The following PCDH11Y variants were observed in gnomAD, a reference collection of about 807,000 sequenced individuals.
PCDH11Y encodes protocadherin 11 Y-linked.
For synonymous variants in PCDH11Y, 9 were observed against 83.6 expected (o/e 0.11, Z 4.87); for missense variants, 12 against 224.8 (o/e 0.05, Z 6.05).
chrY:5,186,922 C>G, intron 2 of PCDH11Y, among the ~76,000 whole-genome samples: 1 of 33,787 alleles, frequency 3.0e-5, no homozygotes, highest in Non-Finnish European at 7.4e-5. Flanking sequence ...TAGTTACTAC[C>G]TACATACAAT....
intron 2 of PCDH11Y, among the ~76,000 whole-genome samples, chrY:5,276,084 A>C: frequency 3.0e-5 from 1 of 33,061 alleles, no homozygotes; most frequent in Admixed American, 2.8e-4. Flanking sequence ...AAATATCATG[A>C]ATTGTTGAGA....
intron 2 of PCDH11Y, among the ~76,000 whole-genome samples, chrY:5,426,122 G>T (rs2053263002): frequency 3.0e-5 from 1 of 33,065 alleles, no homozygotes; most frequent in Non-Finnish European, 7.5e-5. Flanking sequence ...GGAAGCAGTA[G>T]GATATTAAGT....
chrY:5,419,504 C>G (rs2053255993), intron 2 of PCDH11Y, among the ~76,000 whole-genome samples: 1 of 33,270 alleles, frequency 3.0e-5, no homozygotes, highest in Non-Finnish European at 7.4e-5. Flanking sequence ...ACGAGGACTG[C>G]CATAACAGTT....
At chrY:5,388,019 C>T (rs2053217922) in intron 2 of PCDH11Y, among the ~76,000 whole-genome samples, 1 of 31,024 alleles carries the variant, frequency 3.2e-5, no homozygotes, top group Non-Finnish European at 7.8e-5. Flanking sequence ...TCCCACCGTG[C>T]CCCCCACCAA....
intron 2 of PCDH11Y, among the ~76,000 whole-genome samples, chrY:5,312,552 TAA>T (rs2053102608): frequency 3.7e-5 from 1 of 27,378 alleles, no homozygotes; most frequent in Non-Finnish European, 8.3e-5. Context: ...GATATATATA[TAA>T]GAAATATATA....
intron 2 of PCDH11Y, among the ~76,000 whole-genome samples, chrY:5,333,892 A>T (rs2053133715): frequency 3.3e-5 from 1 of 29,878 alleles, no homozygotes; most frequent in African/African-American, 1.3e-4. Flanking sequence ...ATTCCATCTC[A>T]AAAAAAAAAC....
intron 2 of PCDH11Y, among the ~76,000 whole-genome samples, chrY:5,320,028 T>C: frequency 3.0e-5 from 1 of 33,401 alleles, no homozygotes; most frequent in Non-Finnish European, 7.4e-5. Flanking sequence ...ATTCTGGGGC[T>C]ACTATGGCAC....
At chrY:5,647,820 T>C (rs2124705795) in intron 4 of PCDH11Y, among the ~76,000 whole-genome samples, 23 of 33,821 alleles carry the variant, frequency 6.8e-4, no homozygotes, top group Admixed American at 2.7e-3. Context: ...GAGTCCTAAG[T>C]TGTGATGGGA....
At chrY:5,409,400 T>C in intron 2 of PCDH11Y, among the ~76,000 whole-genome samples, 1 of 25,138 alleles carries the variant, frequency 4.0e-5, no homozygotes, top group Admixed American at 4.2e-4. Context: ...ACCAAAAGTA[T>C]TGAGAAAATC....
At chrY:5,144,444 G>A (rs2124642863) in intron 2 of PCDH11Y, among the ~76,000 whole-genome samples, 2 of 32,352 alleles carry the variant, frequency 6.2e-5, no homozygotes, top group Admixed American at 5.7e-4. Context: ...CATAATCTGA[G>A]TACTTACAGA....
chrY:5,392,526 T>C (rs2124676072), intron 2 of PCDH11Y, among the ~76,000 whole-genome samples: 1 of 33,294 alleles, frequency 3.0e-5, no homozygotes. Context: ...ATAATAAGAT[T>C]TATTTTAGTA....
chrY:5,314,292 G>A, intron 2 of PCDH11Y, among the ~76,000 whole-genome samples: 1 of 26,898 alleles, frequency 3.7e-5, no homozygotes, highest in Non-Finnish European at 8.7e-5. Context: ...GGGATTACAG[G>A]CACATGCCAC....
At chrY:5,328,034 C>T (rs2053124456) in intron 2 of PCDH11Y, among the ~76,000 whole-genome samples, 60 of 33,390 alleles carry the variant, frequency 1.8e-3, no homozygotes, top group Middle Eastern at 0.014. Context: ...GCTTCTGAGG[C>T]GATGGGGCAG....
intron 2 of PCDH11Y, among the ~76,000 whole-genome samples, chrY:5,280,990 T>C: frequency 3.0e-5 from 1 of 33,286 alleles, no homozygotes; most frequent in Non-Finnish European, 7.4e-5. Context: ...TTAAGTTCCT[T>C]ATACATGCTG....
At chrY:5,463,908 T>A in intron 2 of PCDH11Y, among the ~76,000 whole-genome samples, 1 of 33,833 alleles carries the variant, frequency 3.0e-5, no homozygotes, top group Non-Finnish European at 7.3e-5. Context: ...ATAGGCTTTG[T>A]ATTGGCTAAT....
intron 4 of PCDH11Y, among the ~76,000 whole-genome samples, chrY:5,621,832 T>G (rs1602952845): frequency 4.4e-4 from 14 of 32,142 alleles, no homozygotes; most frequent in African/African-American, 1.7e-3. Flanking sequence ...GAGAACTGGC[T>G]AACCATATGC....
At chrY:5,656,857 C>T in intron 4 of PCDH11Y, among the ~76,000 whole-genome samples, 1 of 31,602 alleles carries the variant, frequency 3.2e-5, no homozygotes, top group Non-Finnish European at 7.7e-5. Context: ...TATATGAACC[C>T]AAATAGCATA....
chrY:5,383,355 G>C (rs2053207041), intron 2 of PCDH11Y, among the ~76,000 whole-genome samples: 3 of 31,593 alleles, frequency 9.5e-5, no homozygotes, highest in Non-Finnish European at 2.3e-4. Flanking sequence ...AAAATTAGCT[G>C]GGCGTGGTGG....
intron 2 of PCDH11Y, among the ~76,000 whole-genome samples, chrY:5,124,806 A>G: frequency 3.1e-5 from 1 of 31,846 alleles, no homozygotes; most frequent in African/African-American, 1.2e-4. Flanking sequence ...ACTCGCTCTA[A>G]ATTGGATTGA....
Sources: allele counts gnomAD v4.1 joint callset (sites outside exome capture counted in the v4.1 genomes callset), GRCh38; gene constraint gnomAD v4.1.1; transcripts MANE v1.5; gene names NCBI Gene and HGNC (gene_info 2026-07-23, HGNC 2026-07-21).